TERF1: variants seen among roughly 807,000 people sequenced by gnomAD.
TERF1 encodes the protein telomeric repeat-binding factor 1.
In TERF1, 20 loss-of-function variants were observed where a neutral mutation model predicts 55.1. That is an observed-to-expected ratio of 0.36 (90% CI 0.26 to 0.53). The LOEUF (loss-of-function observed/expected upper bound fraction) is 0.53, where lower values mean the gene tolerates loss of function less well. TERF1 is among the 20% of genes least tolerant of loss of function. The pLI is 0.91. For synonymous variants in TERF1, 168 were observed against 181.2 expected (o/e 0.93, Z 0.59); for missense variants, 439 against 535.7 (o/e 0.82, Z 1.78).
At chr8:73,045,081 A>C (rs1224982244) in intron 9 of TERF1, among the ~76,000 whole-genome samples, 1 of 152,128 alleles carries the variant, frequency 6.6e-6, no homozygotes, top group Admixed American at 6.6e-5. Flanking sequence ...TCCTTTTAAA[A>C]AATTTTTTGG....
At position 73,008,953 on chromosome 8, in the gene TERF1, C is replaced by T; in HGVS notation, c.67C>T (p.Pro23Ser). Residue 23 changes from proline to serine, a missense_variant, in exon 1 of 10, where the codon CCT becomes TCT. Physicochemically the swap from Pro to Ser is moderately conservative, Grantham distance 74 (BLOSUM62 -1). Around this residue, in one of 4 missense-constraint regions of TERF1, gnomAD observed 179 missense variants for 152.6 expected, o/e 1.17. Coordinates refer to ENST00000276603, the MANE Select transcript of TERF1 (RefSeq NM_017489.3). ...CTGTGCGGATGGTAGGGATGCCGAC[C>T]CTACTGAGGAGCAGATGGCAGAAAC... ...RGCADGRDAD[P>S]TEEQMAETER... 4 of 1,613,014 alleles carry T rather than the reference C, an allele frequency of 2.5e-6. No homozygotes were observed. Among genetic ancestry groups the T allele is most frequent in the Non-Finnish European group, 3.4e-6 (4 of 1,179,730 alleles).
At chr8:73,037,802 AAT>A (rs1255651329) in intron 8 of TERF1, among the ~76,000 whole-genome samples, 1,231 of 99,432 alleles carry the variant, frequency 0.012, 51 homozygotes, top group African/African-American at 0.05. Flanking sequence ...ATAGTATAAT[AAT>A]ATATATATTA....
At chr8:73,036,372 C>T (rs1809508850) in intron 8 of TERF1, among the ~76,000 whole-genome samples, 5 of 152,140 alleles carry the variant, frequency 3.3e-5, no homozygotes, top group Admixed American at 3.3e-4. Flanking sequence ...CAATAGTGGA[C>T]TACCTGTCTT....
At position 73,015,620 on chromosome 8, in the gene TERF1, G is replaced by A. The variant is rs571409482; in HGVS notation, c.415+1630G>A. ...TGGGAGGCCGAGGTGAGCGGATCAC[G>A]AGGCCAGGCAATAAAGACCATCCTT... On this transcript the variant is annotated intron_variant, in intron 2 of 9. Transcript: ENST00000276603. Among the ~76,000 whole-genome samples, 229 of 151,980 alleles carry A rather than the reference G, an allele frequency of 1.5e-3. 1 individual carries two copies. The highest frequency in any genetic ancestry group is 5.3e-3 in the African/African-American group (218 of 41,466).
rs55705848 is a variant in TERF1, at chr8:73,016,925, C to T, written c.415+2935C>T. ...ATCCAAAATCAGCAAATCGGCAGCT[C>T]ACCTCAGAAGGGATTCTCTCTGGAA... On this transcript the variant is annotated intron_variant, in intron 2 of 9. Coordinates refer to ENST00000276603, the MANE Select transcript of TERF1 (RefSeq NM_017489.3). 9.7e-3 allele frequency among the ~76,000 whole-genome samples: 1,471 copies of T among 152,268 alleles called. 10 individuals are homozygous for T. The highest frequency in any genetic ancestry group is 0.033 in the African/African-American group (1,376 of 41,550).
intron 4 of TERF1, among the ~76,000 whole-genome samples, chr8:73,024,583 T>TTATA (rs1808899788): frequency 6.6e-6 from 1 of 151,976 alleles, no homozygotes; most frequent in South Asian, 2.1e-4. Context: ...GATACTCTGG[T>TTATA]TTATAATACA....
intron 9 of TERF1, among the ~76,000 whole-genome samples, chr8:73,042,292 G>A (rs1053681871): frequency 2.8e-4 from 42 of 152,004 alleles, no homozygotes; most frequent in Non-Finnish European, 5.1e-4. Flanking sequence ...ATAGGATATC[G>A]ACCACATAAT....
intron 6 of TERF1, among the ~76,000 whole-genome samples, chr8:73,027,738 G>T (rs1809077989): frequency 1.3e-5 from 2 of 152,106 alleles, no homozygotes; most frequent in Non-Finnish European, 1.5e-5. Context: ...TCAAATCTCT[G>T]TGGTCTCTGG....
intron 4 of TERF1, 116 bp downstream of exon 4, chr8:73,022,418 T>G: frequency 1.8e-6 from 1 of 543,310 alleles, no homozygotes. Context: ...TATAGAATAA[T>G]ACCGTGCAAC....
At position 73,032,057 on chromosome 8, in the gene TERF1, TTTC is replaced by T; in HGVS notation, c.966_968del (p.Phe322del). 27 of 1,610,424 alleles carry T rather than the reference TTTC, an allele frequency of 1.7e-5. No individual in the cohort carries two copies. The highest frequency in any genetic ancestry group is 2.3e-5 in the Non-Finnish European group (27 of 1,179,052). On this transcript the variant is annotated inframe_deletion, in exon 8 of 10. Coordinates refer to ENST00000276603, the MANE Select transcript of TERF1 (RefSeq NM_017489.3). ...TTTATTTTAGGTCTCACAAGAATCT[TTTC>T]TTATCTAAGTTGCAACATGGAACCC...
At chr8:73,027,585 T>C (rs1809070066) in intron 6 of TERF1, among the ~76,000 whole-genome samples, 3 of 152,120 alleles carry the variant, frequency 2.0e-5, no homozygotes, top group Non-Finnish European at 4.4e-5. Context: ...TTTTCAGGGG[T>C]GATTGTTGTC....
At chr8:73,026,790 A>C (rs1438557116) in intron 5 of TERF1, 150 bp from the exon 6 acceptor site, 1 of 620,536 alleles carries the variant, frequency 1.6e-6, no homozygotes. Context: ...ATTATTGGTG[A>C]AAATAACAAC....
intron 8 of TERF1, chr8:73,038,698 C>A: frequency 1.2e-6 from 1 of 861,670 alleles, no homozygotes. Flanking sequence ...AGTTCTGTTT[C>A]TTTTCAGTTA....
In TERF1 at chr8:73,039,247, C is replaced by T. The variant is rs148152522; in HGVS notation, c.1143+28C>T. 639 of 1,408,416 alleles carry T rather than the reference C, an allele frequency of 4.5e-4. 1 individual carries two copies. Among genetic ancestry groups the T allele is most frequent in the Non-Finnish European group, 5.1e-4 (520 of 1,020,902 alleles). The allele number at this position is 1,408,416 out of a possible 1,614,324, so 87.2% of individuals were successfully genotyped here. A position where few individuals can be genotyped will look rare whatever the true frequency, so the allele number is the denominator to read the frequency against. ...ATTTGGTTTTTTAAAATTCGAATAA[C>T]GCTTATGGACATTAAAGTTATAACT... On this transcript the variant is annotated intron_variant, in intron 9 of 9. Transcript: ENST00000276603.
chr8:73,035,456 A>G (rs1317593748), intron 8 of TERF1, among the ~76,000 whole-genome samples: 1 of 151,452 alleles, frequency 6.6e-6, no homozygotes, highest in African/African-American at 2.4e-5. Flanking sequence ...TATGGCCCAC[A>G]GTATGGTTTA....
rs774770648 is a variant in TERF1, at chr8:73,027,012, G to T, written c.847G>T (p.Val283Phe). 8 of 1,612,374 alleles carry T rather than the reference G, an allele frequency of 5.0e-6. No homozygotes were observed. The African/African-American group carries it at 5.3e-5, about 11-fold the overall frequency. The change falls in exon 6 of 10, where the codon GTT becomes TTT. Residue 283 changes from valine (V) to phenylalanine (F), a missense_variant. Coordinates refer to ENST00000276603, the MANE Select transcript of TERF1 (RefSeq NM_017489.3). ...TSQDKPSGND[V>F]EMETEANLDT... is the part of the protein sequence containing the mutation. ...TCAAGATAAACCTAGTGGTAATGAT[G>T]TTGAAATGGAAACTGAAGCTAATTT...
intron 6 of TERF1, among the ~76,000 whole-genome samples, chr8:73,028,571 ATTT>A (rs59423351): frequency 9.6e-6 from 1 of 104,410 alleles, no homozygotes; most frequent in East Asian, 2.8e-4. Flanking sequence ...ACGTAGACCC[ATTT>A]TTTTTTTTTT....
At chr8:73,039,728 A>G (rs1261912581) in intron 9 of TERF1, among the ~76,000 whole-genome samples, 2 of 149,068 alleles carry the variant, frequency 1.3e-5, no homozygotes, top group Non-Finnish European at 3.0e-5. Context: ...TTGATTGTCT[A>G]GTTGTTCACA....
intron 8 of TERF1, 38 bp from the exon 9 acceptor site, chr8:73,039,078 G>C: frequency 7.7e-7 from 1 of 1,299,392 alleles, no homozygotes; most frequent in Non-Finnish European, 1.1e-6. Context: ...TTTCTTTAAT[G>C]TAAATCAATA....
Sources: gnomAD v4.1 joint callset for allele counts (sites outside exome capture counted in the v4.1 genomes callset) on GRCh38, gnomAD v4.1.1 for gene constraint, gnomAD v4.1.1 regional missense constraint, MANE v1.5 for transcripts, NCBI Gene and HGNC (gene_info 2026-07-23, HGNC 2026-07-21) for gene names.